Variants in PTPRT observed in about 807,000 individuals in gnomAD.
PTPRT encodes the protein receptor-type tyrosine-protein phosphatase T.
A neutral mutation model predicts 176.8 loss-of-function variants in PTPRT; 56 were observed. The ratio of observed to expected loss-of-function variants is 0.32; its 90% CI spans 0.26 to 0.40. The LOEUF is 0.40. PTPRT is among the 10% of genes least tolerant of loss of function. The pLI, the probability that PTPRT is intolerant of heterozygous loss-of-function variation, is 1.00. For missense variants in PTPRT, 1,540 were observed against 1,908.2 expected (o/e 0.81, Z 3.60); for synonymous variants, 783 against 739.0 (o/e 1.06, Z -0.96).
chr20:42,653,314 T>C (rs1488967707), intron 7 of PTPRT, among the ~76,000 whole-genome samples: 1 of 152,190 alleles, frequency 6.6e-6, no homozygotes, highest in Non-Finnish European at 1.5e-5. Context: ...AAACTGTGAG[T>C]CAATTCAACC....
chr20:42,276,545 A>ATATATATATT (rs2057039958), intron 13 of PTPRT, among the ~76,000 whole-genome samples: 3 of 63,394 alleles, frequency 4.7e-5, no homozygotes, highest in African/African-American at 6.7e-5. Context: ...ATATATATAT[A>ATATATATATT]TATATATATA....
intron 7 of PTPRT, among the ~76,000 whole-genome samples, chr20:42,588,236 G>A (rs562238264): frequency 6.6e-6 from 1 of 152,208 alleles, no homozygotes; most frequent in African/African-American, 2.4e-5. Context: ...TTGAGGTTAG[G>A]AGCTTAAGAC....
chr20:42,659,773 A>C (rs2075190592), intron 7 of PTPRT, among the ~76,000 whole-genome samples: 1 of 152,186 alleles, frequency 6.6e-6, no homozygotes, highest in African/African-American at 2.4e-5. Context: ...GTGTGGGTCA[A>C]GTTTAAATGG....
intron 14 of PTPRT, among the ~76,000 whole-genome samples, chr20:42,242,809 C>G (rs1044248979): frequency 1.3e-5 from 2 of 152,168 alleles, no homozygotes; most frequent in African/African-American, 2.4e-5. Context: ...CTTCTTCCCT[C>G]ACTTCCACCT....
rs1476482006 is a variant in PTPRT at position 42,352,249 on chromosome 20, C to T, written c.1597G>A (p.Ala533Thr). The change falls in exon 10 of 31, where the codon GCT becomes ACT. Residue 533 changes from alanine to threonine, a missense_variant. Physicochemically the swap from Ala to Thr is moderately conservative, Grantham distance 58. This residue lies in a region of PTPRT where 136 missense variants were observed against 135.0 expected (regional missense o/e 1.01). Transcript: ENST00000373187. ...YKAVGSLDPS[A>T]DLSSQRGKVF... ...TTCCCCCTCTGGCTCGAGAGGTCAG[C>T]ACTTGGGTCCAGCGAGCCGACAGCC... is the stretch of plus-strand genomic sequence containing the variant. The T allele has an allele frequency of 1.2e-6, 2 of 1,614,130 alleles. No individual in the cohort carries two copies. Among genetic ancestry groups the T allele is most frequent in the Non-Finnish European group, 8.5e-7 (1 of 1,180,012 alleles).
chr20:42,298,881 C>G (rs2145299015), intron 12 of PTPRT, among the ~76,000 whole-genome samples: 1 of 151,940 alleles, frequency 6.6e-6, no homozygotes, highest in Admixed American at 6.6e-5. Flanking sequence ...AAGATCATGC[C>G]ACTGCACTCT....
At chr20:42,938,171 G>A (rs976900269) in intron 1 of PTPRT, among the ~76,000 whole-genome samples, 1 of 152,160 alleles carries the variant, frequency 6.6e-6, no homozygotes, top group Non-Finnish European at 1.5e-5. Context: ...TGTACGAATG[G>A]ATGTAAAATT....
chr20:42,218,321 C>T (rs984010218), intron 15 of PTPRT, among the ~76,000 whole-genome samples: 4 of 152,160 alleles, frequency 2.6e-5, no homozygotes, highest in Admixed American at 6.5e-5. Flanking sequence ...TATCTATGTG[C>T]GGATGGCTCA....
intron 1 of PTPRT, among the ~76,000 whole-genome samples, chr20:43,075,435 A>C (rs116525440): frequency 0.011 from 1,608 of 152,336 alleles, 43 homozygotes; most frequent in African/African-American, 0.036. Flanking sequence ...CTTTTCTTCT[A>C]CTGTGATTCA....
chr20:42,225,305 G>A (rs1600699623), intron 15 of PTPRT, among the ~76,000 whole-genome samples: 1 of 151,328 alleles, frequency 6.6e-6, no homozygotes, highest in African/African-American at 2.4e-5. Flanking sequence ...CTTTGTTCTA[G>A]CCTAGCTCTA....
chr20:42,058,242 C>T, the PTPRT span, among the ~76,000 whole-genome samples: 1 of 152,200 alleles, frequency 6.6e-6, no homozygotes, highest in Admixed American at 6.5e-5. Context: ...TTCTCTTCAT[C>T]TGCAGGTATT....
intron 1 of PTPRT, among the ~76,000 whole-genome samples, chr20:43,041,693 A>G (rs1280799780): frequency 6.6e-6 from 1 of 152,246 alleles, no homozygotes; most frequent in Non-Finnish European, 1.5e-5. Flanking sequence ...CTGTCATGCC[A>G]AATATTCTTG....
intron 7 of PTPRT, among the ~76,000 whole-genome samples, chr20:42,612,856 T>C (rs2073997831): frequency 6.6e-6 from 1 of 152,060 alleles, no homozygotes; most frequent in South Asian, 2.1e-4. Flanking sequence ...TGGTCCACCA[T>C]GGAAAGAGTG....
intron 7 of PTPRT, among the ~76,000 whole-genome samples, chr20:42,473,384 T>C (rs1171469898): frequency 1.3e-5 from 2 of 152,186 alleles, no homozygotes; most frequent in Non-Finnish European, 2.9e-5. Flanking sequence ...TTTTTTAATA[T>C]AAAACAGGTT....
chr20:42,880,719 T>C (rs2079000414), intron 2 of PTPRT, among the ~76,000 whole-genome samples: 1 of 152,056 alleles, frequency 6.6e-6, no homozygotes, highest in Admixed American at 6.6e-5. Flanking sequence ...TGTGAGTGAG[T>C]GTACTAACCC....
At chr20:42,326,966 C>A (rs6102776) in intron 11 of PTPRT, among the ~76,000 whole-genome samples, 51,719 of 137,698 alleles carry the variant, frequency 0.38, 9,819 homozygotes, top group African/African-American at 0.54. Context: ...AAAAAAAAAA[C>A]AACAAAGGAA....
chr20:42,091,755 A>T (rs957338494), intron 27 of PTPRT, among the ~76,000 whole-genome samples: 1 of 152,204 alleles, frequency 6.6e-6, no homozygotes, highest in Non-Finnish European at 1.5e-5. Flanking sequence ...CAGACTGTGA[A>T]TGAAGGCATA....
chr20:43,040,498 C>T (rs1327267553), intron 1 of PTPRT, among the ~76,000 whole-genome samples: 1 of 152,226 alleles, frequency 6.6e-6, no homozygotes, highest in Admixed American at 6.5e-5. Context: ...TTACTAGCTG[C>T]TTGGCATATG....
At chr20:42,991,600 C>T (rs1983917205) in intron 1 of PTPRT, among the ~76,000 whole-genome samples, 2 of 151,912 alleles carry the variant, frequency 1.3e-5, no homozygotes, top group Non-Finnish European at 2.9e-5. Flanking sequence ...ATGAACACAG[C>T]TTTTTGGGGG....
Sources: gnomAD v4.1 joint callset for allele counts (sites outside exome capture counted in the v4.1 genomes callset) on GRCh38, gnomAD v4.1.1 for gene constraint, gnomAD v4.1.1 regional missense constraint, MANE v1.5 for transcripts, NCBI Gene and HGNC (gene_info 2026-07-23, HGNC 2026-07-21) for gene names.